BPTF: variants seen among roughly 807,000 people sequenced by gnomAD.
BPTF encodes the protein nucleosome-remodeling factor subunit BPTF.
A neutral mutation model predicts 292.5 loss-of-function variants in BPTF; 18 were observed. That is an observed-to-expected ratio of 0.06 (90% CI 0.04 to 0.09). The LOEUF (loss-of-function observed/expected upper bound fraction) is 0.09. BPTF is among the 10% of genes least tolerant of loss of function. The pLI is 1.00. For synonymous variants in BPTF, 1,225 were observed against 1,251.9 expected, an observed-to-expected ratio of 0.98 and a Z score of 0.45; for missense variants, 2,726 against 3,498.7, an observed-to-expected ratio of 0.78 and a Z score of 5.57.
At chr17:67,949,930 G>T (rs2066155579) in intron 23 of BPTF, among the ~76,000 whole-genome samples, 1 of 150,736 alleles carries the variant, frequency 6.6e-6, no homozygotes, top group South Asian at 2.1e-4. Context: ...GCAGGTGCCT[G>T]TAATCCCAGC....
chr17:67,863,451 A>AT (rs2059205214), intron 2 of BPTF, among the ~76,000 whole-genome samples: 2 of 151,980 alleles, frequency 1.3e-5, no homozygotes, highest in South Asian at 4.2e-4. Context: ...TTCCTGGCCA[A>AT]TTTTTTGTAT....
intron 9 of BPTF, among the ~76,000 whole-genome samples, chr17:67,908,826 ATTTTTT>A (rs34934455): frequency 1.2e-4 from 13 of 106,082 alleles, no homozygotes; most frequent in South Asian, 3.0e-4. Context: ...GTCACTGACA[ATTTTTT>A]TTTTTTTTTT....
intron 5 of BPTF, among the ~76,000 whole-genome samples, 154 bp downstream of exon 5, chr17:67,892,188 C>T (rs1277895376): frequency 6.6e-6 from 1 of 152,174 alleles, no homozygotes; most frequent in African/African-American, 2.4e-5. Context: ...GTTAACAAGA[C>T]TGAAAGTATT....
intron 15 of BPTF, among the ~76,000 whole-genome samples, chr17:67,927,436 ATAAAG>A (rs1187995641): frequency 2.0e-5 from 3 of 152,348 alleles, no homozygotes; most frequent in Non-Finnish European, 4.4e-5. Context: ...TCTGTATAGT[ATAAAG>A]TATTTTTCTG....
chr17:67,841,415 A>C (rs2057547159), intron 1 of BPTF, among the ~76,000 whole-genome samples: 1 of 152,156 alleles, frequency 6.6e-6, no homozygotes, highest in Non-Finnish European at 1.5e-5. Context: ...GTCTCAAATA[A>C]ATAAATAAAA....
intron 26 of BPTF, among the ~76,000 whole-genome samples, chr17:67,972,296 C>G (rs569247630): frequency 6.6e-6 from 1 of 151,892 alleles, no homozygotes; most frequent in South Asian, 2.1e-4. Flanking sequence ...AGTGCAGTGT[C>G]GTGATCTTGA....
At chr17:67,924,654 A>G in intron 15 of BPTF, 65 bp downstream of exon 15, 1 of 1,554,520 alleles carries the variant, frequency 6.4e-7, no homozygotes, top group Non-Finnish European at 8.7e-7. Context: ...AAACAAAAGC[A>G]CTTGACCTCC....
chr17:67,888,985 C>G (rs937543228), intron 4 of BPTF, among the ~76,000 whole-genome samples: 5 of 152,258 alleles, frequency 3.3e-5, no homozygotes, highest in Non-Finnish European at 7.4e-5. Flanking sequence ...CAGTAACTTG[C>G]TTTAGGATCC....
chr17:67,915,316 C>G (rs1366559553), intron 11 of BPTF, among the ~76,000 whole-genome samples: 1 of 152,120 alleles, frequency 6.6e-6, no homozygotes, highest in Non-Finnish European at 1.5e-5. Flanking sequence ...TAAAATGCCC[C>G]TCTATCCTGT....
In BPTF at chr17:67,982,419, C is replaced by T. The variant is rs2070527554; in HGVS notation, c.*131C>T. The T allele has an allele frequency of 2.7e-6, 2 of 736,382 alleles. No homozygotes were observed. The highest frequency in any genetic ancestry group is 1.8e-5 in the African/African-American group (1 of 55,372). The allele number at this position is 736,382 out of a possible 1,614,324, so 45.6% of individuals were successfully genotyped here. On this transcript the variant is annotated 3_prime_UTR_variant, in exon 28 of 28. Transcript: ENST00000306378. Reference sequence around the variant, plus strand: ...TGACCTAAACTTCGTTTTTATTGGTCATAACAGTCCAATTATATTCTTGGC... The same window carrying T: ...TGACCTAAACTTCGTTTTTATTGGTTATAACAGTCCAATTATATTCTTGGC...
intron 1 of BPTF, among the ~76,000 whole-genome samples, chr17:67,848,686 G>T (rs1598219686): frequency 6.6e-6 from 1 of 152,268 alleles, no homozygotes. Flanking sequence ...CAGTTCATCC[G>T]AACAGTTCAG....
chr17:67,908,063 G>A (rs537325162), intron 9 of BPTF, among the ~76,000 whole-genome samples: 1 of 152,070 alleles, frequency 6.6e-6, no homozygotes, highest in Non-Finnish European at 1.5e-5. Context: ...TTCTAATAGG[G>A]TTCTGTGACA....
rs1421631178 is a variant in BPTF at position 67,911,021 on chromosome 17, A to G, written c.3137A>G (p.His1046Arg). Residue 1046 changes from histidine (H) to arginine (R), a missense_variant, in exon 11 of 28, where the codon CAT becomes CGT. By Grantham distance (29) the His-to-Arg change is conservative. Around this residue, in one of 22 missense-constraint regions of BPTF, gnomAD observed 713 missense variants for 714.9 expected, o/e 1.00. Coordinates refer to ENST00000306378, the MANE Select transcript of BPTF (RefSeq NM_182641.4). ...VDVVNVSEGF[H>R]LRTSYKKKTK... is the part of the protein sequence containing the mutation. Reference sequence around the variant, plus strand: ...GTGGTCAATGTTAGTGAGGGTTTTCATCTAAGGACTAGTTACAAAAAGAAA... The same window carrying G: ...GTGGTCAATGTTAGTGAGGGTTTTCGTCTAAGGACTAGTTACAAAAAGAAA... 4 of 1,613,852 alleles carry G rather than the reference A, an allele frequency of 2.5e-6. No homozygotes were observed. The highest frequency in any genetic ancestry group is 1.1e-5 in the South Asian group (1 of 91,088).
At chr17:67,937,047 A>G (rs918101433) in intron 18 of BPTF, among the ~76,000 whole-genome samples, 1 of 152,238 alleles carries the variant, frequency 6.6e-6, no homozygotes, top group African/African-American at 2.4e-5. Flanking sequence ...TAATGCCCTC[A>G]TGAAACTTAT....
chr17:67,904,060 G>T lies in BPTF; in HGVS notation c.2673+142G>T, dbSNP rs556059563. 4.4e-5 allele frequency: 36 copies of T among 812,204 alleles called. No individual in the cohort carries two copies. The South Asian group carries it at 5.4e-4, about 12-fold the overall frequency. 50.3% of individuals were successfully genotyped at this position (812,204 alleles called of 1,614,324 possible). On this transcript the variant is annotated intron_variant, in intron 8 of 27. Coordinates refer to ENST00000306378, the MANE Select transcript of BPTF (RefSeq NM_182641.4). ...TTTATTTATTTTGAGACAGAGTCTC[G>T]CTCTGTTGCCCAGATTGGAGTGCAG...
intron 1 of BPTF, among the ~76,000 whole-genome samples, chr17:67,850,581 C>T (rs948549897): frequency 2.0e-5 from 3 of 152,116 alleles, no homozygotes; most frequent in Non-Finnish European, 4.4e-5. Context: ...ATTGGCCAGG[C>T]TAGTCCGGAA....
chr17:67,914,771 ATTTCTGGAGC>A (rs2062871262), intron 11 of BPTF, among the ~76,000 whole-genome samples: 1 of 152,126 alleles, frequency 6.6e-6, no homozygotes, highest in Non-Finnish European at 1.5e-5. Context: ...GCACAGCTGA[ATTTCTGGAGC>A]TGAATTTCAT....
intron 2 of BPTF, among the ~76,000 whole-genome samples, chr17:67,860,500 A>G (rs1321166593): frequency 1.3e-5 from 2 of 152,258 alleles, no homozygotes; most frequent in Non-Finnish European, 1.5e-5. Flanking sequence ...AGCTTCTTAT[A>G]CATGAATTTA....
intron 4 of BPTF, among the ~76,000 whole-genome samples, chr17:67,879,720 G>A (rs2060275008): frequency 6.6e-6 from 1 of 152,184 alleles, no homozygotes; most frequent in Admixed American, 6.5e-5. Context: ...GGAAAGGGGA[G>A]CCAGTGTATA....
Sources: allele counts gnomAD v4.1 joint callset (sites outside exome capture counted in the v4.1 genomes callset), GRCh38; gene constraint gnomAD v4.1.1; regional missense constraint gnomAD v4.1.1; transcripts MANE v1.5; gene names NCBI Gene and HGNC (gene_info 2026-07-23, HGNC 2026-07-21).